Variants in BABAM2 observed in about 807,000 individuals in gnomAD.
The protein encoded by BABAM2 is BRISC and BRCA1 A complex member 2, also known as BRISC and BRCA1-A complex member 2.
In BABAM2, 31 loss-of-function variants were observed where a neutral mutation model predicts 54.7. That is an observed-to-expected ratio of 0.57 (90% confidence interval 0.43 to 0.77). BABAM2 has a LOEUF of 0.77. Among genes scored for constraint, BABAM2 ranks in the 30% least tolerant of loss-of-function variants. BABAM2 has a pLI of 0.00. For missense variants in BABAM2, 364 were observed against 455.8 expected (o/e 0.80, Z 1.83); for synonymous variants, 167 against 162.9 (o/e 1.03, Z -0.19).
intron 6 of BABAM2, among the ~76,000 whole-genome samples, chr2:28,122,397 T>A (rs10177837): frequency 0.44 from 67,302 of 151,792 alleles, 15,460 homozygotes; most frequent in Middle Eastern, 0.51. Context: ...TGAGCCCAGG[T>A]GTTTAAGGCC....
chr2:28,245,158 A>G (rs1487860242), intron 10 of BABAM2, among the ~76,000 whole-genome samples: 1 of 152,086 alleles, frequency 6.6e-6, no homozygotes, highest in African/African-American at 2.4e-5. Flanking sequence ...TCAGTGATGC[A>G]GCTAAACATC....
chr2:28,197,783 A>G (rs1677772248), intron 7 of BABAM2, among the ~76,000 whole-genome samples: 1 of 152,230 alleles, frequency 6.6e-6, no homozygotes, highest in Non-Finnish European at 1.5e-5. Flanking sequence ...AAATGAAATA[A>G]GATAAAATAA....
chr2:28,280,659 G>A (rs540640925), intron 10 of BABAM2, among the ~76,000 whole-genome samples: 4 of 152,100 alleles, frequency 2.6e-5, no homozygotes, highest in Admixed American at 6.6e-5. Context: ...CTCCTGATCC[G>A]TGCTGGTGCC....
chr2:27,951,097 T>A (rs1267645335), intron 3 of BABAM2, among the ~76,000 whole-genome samples: 1 of 152,206 alleles, frequency 6.6e-6, no homozygotes, highest in African/African-American at 2.4e-5. Flanking sequence ...TTTACTCATG[T>A]TGTGGAAGAA....
At position 28,260,968 on chromosome 2, in the gene BABAM2, G is replaced by A. The variant is rs998885128; in HGVS notation, c.934+16106G>A. ...TTTTTTTTTTTTTTTTTGAGATGAC[G>A]TCTCACTCTATTACCCAGGCTGGAG... On this transcript the variant is annotated intron_variant, in intron 10 of 11. Coordinates refer to ENST00000379624, the MANE Select transcript of BABAM2 (RefSeq NM_199191.3). Among the ~76,000 whole-genome samples, 72 of 119,774 alleles carry A rather than the reference G, an allele frequency of 6.0e-4. 1 individual carries two copies. The highest frequency in any genetic ancestry group is 1.9e-3 in the African/African-American group (57 of 30,716). The allele number at this position is 119,774 out of a possible 152,430, so 78.6% of individuals were successfully genotyped here.
At chr2:28,271,311 A>G (rs1271688567) in intron 10 of BABAM2, among the ~76,000 whole-genome samples, 1 of 152,180 alleles carries the variant, frequency 6.6e-6, no homozygotes, top group Non-Finnish European at 1.5e-5. Context: ...CAGGCTGGAC[A>G]AGAGCCACTA....
At chr2:27,900,843 G>A (rs961140204) in intron 2 of BABAM2, among the ~76,000 whole-genome samples, 39 of 152,052 alleles carry the variant, frequency 2.6e-4, no homozygotes, top group South Asian at 4.1e-4. Context: ...GGAGATCGAG[G>A]TCATCCTGGC....
rs79468318 is a variant in BABAM2 at position 28,205,063 on chromosome 2, A to G, written c.681-32139A>G. Among the ~76,000 whole-genome samples, 1,294 of 151,552 alleles carry G rather than the reference A, an allele frequency of 8.5e-3. 18 individuals are homozygous for G. Among genetic ancestry groups the G allele is most frequent in the African/African-American group, 0.03 (1,232 of 41,286 alleles). Reference sequence around the variant, plus strand: ...TTTGGCCAACCTGGATCACTGGGTCATTGAAAACAACTGTCCTAGATGGTC... The same window carrying G: ...TTTGGCCAACCTGGATCACTGGGTCGTTGAAAACAACTGTCCTAGATGGTC... On this transcript the variant is annotated intron_variant, in intron 7 of 11. Transcript: ENST00000379624.
rs138506485 is a variant in BABAM2, at chr2:28,137,991, C to G, written c.680+8611C>G. Among the ~76,000 whole-genome samples, 742 of 152,220 alleles carry G rather than the reference C, an allele frequency of 4.9e-3. 4 individuals carry two copies. Among genetic ancestry groups the G allele is most frequent in the South Asian group, 0.025 (120 of 4,826 alleles). On this transcript the variant is annotated intron_variant, in intron 7 of 11. Coordinates refer to ENST00000379624, the MANE Select transcript of BABAM2 (RefSeq NM_199191.3). Reference sequence around the variant, plus strand: ...TGCAAAACATCTCAAGGGTTTTGTGCAGATTTTTTTTCTGCCGTGAAGATG... The same window carrying G: ...TGCAAAACATCTCAAGGGTTTTGTGGAGATTTTTTTTCTGCCGTGAAGATG...
chr2:27,928,449 C>T (rs1197195264), intron 2 of BABAM2, among the ~76,000 whole-genome samples: 1 of 87,916 alleles, frequency 1.1e-5, no homozygotes, highest in Non-Finnish European at 2.9e-5. Flanking sequence ...TGCGCCTGGC[C>T]ACTGTCTGGT....
chr2:28,244,879 T>C lies in BABAM2; in HGVS notation c.934+17T>C. The C allele has an allele frequency of 1.3e-6, 2 of 1,597,236 alleles. No homozygotes were observed. The highest frequency in any genetic ancestry group is 1.7e-6 in the Non-Finnish European group (2 of 1,165,234). ...TTGTACACAGTGAGTATACTTTTGCTGTCAGCATGTCAGCATACATTTTTA... is the reference window on the plus strand; with the variant it reads ...TTGTACACAGTGAGTATACTTTTGCCGTCAGCATGTCAGCATACATTTTTA... On this transcript the variant is annotated intron_variant, in intron 10 of 11. Coordinates refer to ENST00000379624, the MANE Select transcript of BABAM2 (RefSeq NM_199191.3).
At chr2:28,151,987 A>T (rs1223754401) in intron 7 of BABAM2, among the ~76,000 whole-genome samples, 1 of 149,666 alleles carries the variant, frequency 6.7e-6, no homozygotes, top group South Asian at 2.1e-4. Flanking sequence ...GGCACTGTGA[A>T]TAAGTGATAA....
intron 7 of BABAM2, among the ~76,000 whole-genome samples, chr2:28,216,762 C>T (rs1050360551): frequency 1.1e-4 from 16 of 152,176 alleles, no homozygotes; most frequent in African/African-American, 3.9e-4. Context: ...AAAACCCTAT[C>T]GTGGATGTAG....
chr2:28,067,235 G>A (rs1573511170), intron 6 of BABAM2, among the ~76,000 whole-genome samples: 1 of 152,158 alleles, frequency 6.6e-6, no homozygotes, highest in Non-Finnish European at 1.5e-5. Context: ...CGTGGCCCTT[G>A]TGGACATGTT....
At chr2:28,108,816 T>A (rs1203600928) in intron 6 of BABAM2, among the ~76,000 whole-genome samples, 1 of 152,166 alleles carries the variant, frequency 6.6e-6, no homozygotes, top group Non-Finnish European at 1.5e-5. Flanking sequence ...CAAATTTGGA[T>A]ATAGCAGAAT....
Position 28,139,933 on chromosome 2 carries a change from A to T in BABAM2, c.680+10553A>T, listed in dbSNP as rs547168580. Among the ~76,000 whole-genome samples the T allele has an allele frequency of 5.9e-5, 9 of 152,304 alleles. No individual in the cohort carries two copies. The South Asian group carries it at 1.9e-3, about 32-fold the overall frequency. ...CACTTCAGTCTAGTTGCCACATTAC[A>T]GACAGAGTAGTCTTCTGAAAACACA... On this transcript the variant is annotated intron_variant, in intron 7 of 11. Transcript: ENST00000379624.
intron 6 of BABAM2, among the ~76,000 whole-genome samples, chr2:28,064,013 A>G (rs1330816887): frequency 2.0e-5 from 3 of 152,160 alleles, no homozygotes; most frequent in Admixed American, 6.5e-5. Context: ...TTTTTACCCC[A>G]AGAGACTACC....
At chr2:28,011,374 G>T (rs1674382224) in intron 4 of BABAM2, among the ~76,000 whole-genome samples, 1 of 152,074 alleles carries the variant, frequency 6.6e-6, no homozygotes, top group East Asian at 1.9e-4. Flanking sequence ...TCTTATAGCT[G>T]CATGTGGCTG....
chr2:28,097,138 G>A (rs1666700935), intron 6 of BABAM2, among the ~76,000 whole-genome samples: 1 of 152,126 alleles, frequency 6.6e-6, no homozygotes, highest in Non-Finnish European at 1.5e-5. Context: ...CTGAGGACAT[G>A]AATAAGAGCC....
Sources: allele counts gnomAD v4.1 joint callset (sites outside exome capture counted in the v4.1 genomes callset), GRCh38; gene constraint gnomAD v4.1.1; transcripts MANE v1.5; gene names NCBI Gene and HGNC (gene_info 2026-07-23, HGNC 2026-07-21).